MKX: variants seen among roughly 807,000 people sequenced by gnomAD.
MKX encodes homeobox protein Mohawk.
Under a neutral mutation model 36.0 loss-of-function variants are expected in MKX, and 13 were observed. The observed-to-expected ratio is 0.36, with a 90% CI of 0.24 to 0.57. MKX has a LOEUF of 0.57. MKX is among the 20% of genes least tolerant of loss of function. The pLI is 0.79. For missense variants in MKX, 458 were observed against 456.4 expected (o/e 1.00, Z -0.03); for synonymous variants, 176 against 178.3 (o/e 0.99, Z 0.10).
At chr10:27,737,782 A>G (rs1042187914) in intron 3 of MKX, among the ~76,000 whole-genome samples, 32 of 152,244 alleles carry the variant, frequency 2.1e-4, no homozygotes, top group Admixed American at 1.2e-3. Flanking sequence ...TCTTTACTCA[A>G]TGGGATATAA....
chr10:27,703,846 G>A (rs1009589875), intron 5 of MKX, among the ~76,000 whole-genome samples: 4 of 152,226 alleles, frequency 2.6e-5, no homozygotes, highest in South Asian at 2.1e-4. Flanking sequence ...GTTTCAGTGA[G>A]CCCAGATTGT....
rs376754700 is a variant in MKX at position 27,743,299 on chromosome 10, G to A, written c.117C>T (p.Ala39=). ...PYSGVLDSPH[A]RPEVGIPDGP... ...CGTCGGGAATGCCCACCTCGGGGCG[G>A]GCGTGAGGACTGTCCAGGACACCGC... Residue 39 remains alanine (A), a synonymous_variant, in exon 2 of 7, where the codon GCC becomes GCT. Coordinates refer to ENST00000419761, the MANE Select transcript of MKX (RefSeq NM_173576.3). 9.0e-6 allele frequency: 14 copies of A among 1,557,068 alleles called. No individual in the cohort carries two copies. In the Admixed American group the frequency reaches 1.6e-4, roughly 18 times the overall value.
chr10:27,692,232 A>G (rs935769682), intron 5 of MKX, among the ~76,000 whole-genome samples: 7 of 152,212 alleles, frequency 4.6e-5, no homozygotes, highest in Non-Finnish European at 8.8e-5. Flanking sequence ...CTTTGCTTAA[A>G]TATGGATATA....
chr10:27,692,608 G>A (rs2451917), intron 5 of MKX, among the ~76,000 whole-genome samples: 122,208 of 152,104 alleles, frequency 0.8, 49,150 homozygotes, highest in Admixed American at 0.84. Context: ...CTTTGGGAAA[G>A]GAAGGTGACA....
chr10:27,711,504 TTCCTTC>T (rs1564357124), intron 5 of MKX, among the ~76,000 whole-genome samples: 4 of 22,094 alleles, frequency 1.8e-4, no homozygotes, highest in Non-Finnish European at 4.3e-4. Context: ...TCTTCTTTCC[TTCCTTC>T]CTTCCTTCCT....
chr10:27,704,942 T>C (rs1836722760), intron 5 of MKX, among the ~76,000 whole-genome samples: 2 of 152,198 alleles, frequency 1.3e-5, no homozygotes, highest in Admixed American at 6.5e-5. Flanking sequence ...TATTTGTTAA[T>C]GAATATTACA....
At chr10:27,704,543 T>G (rs1378108474) in intron 5 of MKX, among the ~76,000 whole-genome samples, 1 of 151,658 alleles carries the variant, frequency 6.6e-6, no homozygotes, top group African/African-American at 2.4e-5. Context: ...TAGAAGAGAA[T>G]AGAAAGACAA....
At chr10:27,726,290 CTCCTATTCTCATAT>C (rs1834486940) in intron 5 of MKX, among the ~76,000 whole-genome samples, 1 of 152,184 alleles carries the variant, frequency 6.6e-6, no homozygotes, top group South Asian at 2.1e-4. Context: ...TATGGACTTT[CTCCTATTCTCATAT>C]GCAGCTAAAA....
At chr10:27,718,504 G>A in intron 5 of MKX, 1 of 360,536 alleles carries the variant, frequency 2.8e-6, no homozygotes, top group Non-Finnish European at 5.6e-6. Flanking sequence ...TTTGCTTGAA[G>A]GAAATATTGG....
intron 5 of MKX, among the ~76,000 whole-genome samples, chr10:27,724,360 C>T (rs1018975880): frequency 9.2e-5 from 14 of 152,148 alleles, no homozygotes; most frequent in Non-Finnish European, 1.9e-4. Flanking sequence ...AGAATCATGG[C>T]CACTGCTAAG....
intron 5 of MKX, among the ~76,000 whole-genome samples, chr10:27,711,512 TTCCTTC>T (rs1836870329): frequency 7.3e-6 from 1 of 136,242 alleles, no homozygotes; most frequent in African/African-American, 3.0e-5. Flanking sequence ...CCTTCCTTCC[TTCCTTC>T]CTTCCTTCCT....
chr10:27,711,625 G>T (rs767113520), intron 5 of MKX, among the ~76,000 whole-genome samples: 1 of 148,404 alleles, frequency 6.7e-6, no homozygotes, highest in African/African-American at 2.5e-5. Flanking sequence ...AGGCTGGAGC[G>T]CAGTCGCACA....
chr10:27,743,679 T>C, intron 1 of MKX, 182 bp from the exon 2 acceptor site: 1 of 467,576 alleles, frequency 2.1e-6, no homozygotes, highest in Non-Finnish European at 3.7e-6. Flanking sequence ...CCCCTGCAGG[T>C]TCCCCGGACA....
At chr10:27,678,281 C>T (rs1836190515) in intron 5 of MKX, among the ~76,000 whole-genome samples, 1 of 152,084 alleles carries the variant, frequency 6.6e-6, no homozygotes, top group African/African-American at 2.4e-5. Flanking sequence ...GCAAATTGGA[C>T]ATTTTACAGA....
chr10:27,685,641 G>A (rs1044422156), intron 5 of MKX, among the ~76,000 whole-genome samples: 1 of 151,896 alleles, frequency 6.6e-6, no homozygotes, highest in Admixed American at 6.6e-5. Context: ...TAGTAGAGAC[G>A]GGGTTTCACC....
At chr10:27,676,380 C>CTTT (rs1176984277) in intron 5 of MKX, among the ~76,000 whole-genome samples, 2 of 127,790 alleles carry the variant, frequency 1.6e-5, no homozygotes, top group East Asian at 2.2e-4. Flanking sequence ...TTTTCTTTTT[C>CTTT]TTTTTTTTTT....
At chr10:27,737,134 T>G (rs1834796274) in intron 3 of MKX, among the ~76,000 whole-genome samples, 1 of 152,176 alleles carries the variant, frequency 6.6e-6, no homozygotes, top group Non-Finnish European at 1.5e-5. Flanking sequence ...GAACATTAGC[T>G]GTGGAAGCAC....
chr10:27,682,158 A>G (rs1254023512), intron 5 of MKX, among the ~76,000 whole-genome samples: 2 of 152,170 alleles, frequency 1.3e-5, no homozygotes, highest in Non-Finnish European at 2.9e-5. Flanking sequence ...AAATGTTTAG[A>G]AAGTAAAAAT....
chr10:27,690,523 G>C (rs1052693920), intron 5 of MKX, among the ~76,000 whole-genome samples: 1 of 152,210 alleles, frequency 6.6e-6, no homozygotes, highest in Non-Finnish European at 1.5e-5. Flanking sequence ...CACTAAGTAC[G>C]TGACCTTGGG....
Sources: gnomAD v4.1 joint callset for allele counts (sites outside exome capture counted in the v4.1 genomes callset) on GRCh38, gnomAD v4.1.1 for gene constraint, MANE v1.5 for transcripts, NCBI Gene and HGNC (gene_info 2026-07-23, HGNC 2026-07-21) for gene names.